The following CLCN5 variants were observed in gnomAD, a reference collection of about 807,000 sequenced individuals.
CLCN5 encodes Cl-/H+ antiporter 5.
CLCN5 carries 17 observed loss-of-function variants against 54.0 expected under a neutral mutation model. The ratio of observed to expected loss-of-function variants is 0.31; its 90% CI spans 0.22 to 0.47. CLCN5 has a LOEUF of 0.47. CLCN5 is among the 20% of genes least tolerant of loss of function. CLCN5 has a pLI of 1.00. For synonymous variants in CLCN5, 222 were observed against 233.0 expected (o/e 0.95, Z 0.43); for missense variants, 448 against 646.7 (o/e 0.69, Z 3.33).
At chrX:50,058,294 C>G (rs1311772518) in intron 4 of CLCN5, among the ~76,000 whole-genome samples, 2 of 111,418 alleles carry the variant, frequency 1.8e-5, no homozygotes, top group Non-Finnish European at 3.8e-5. Context: ...CATGAGATTT[C>G]TTCCTATTCT....
chrX:50,002,602 C>T (rs1325213050), intron 3 of CLCN5, among the ~76,000 whole-genome samples: 2 of 110,735 alleles, frequency 1.8e-5, no homozygotes, highest in Non-Finnish European at 3.8e-5. Flanking sequence ...CCTGGGCTGA[C>T]AAGTGCAAGT....
At chrX:49,987,006 A>G (rs1261320497) in intron 3 of CLCN5, among the ~76,000 whole-genome samples, 2 of 112,383 alleles carry the variant, frequency 1.8e-5, no homozygotes, top group Non-Finnish European at 3.8e-5. Context: ...ATCTTCAAAA[A>G]CAGAAGATTA....
chrX:50,094,347 T>C lies in CLCN5; in HGVS notation c.*2128T>C, dbSNP rs1341813110. ...TCACTGATTCCTTCATATGAGACTA[T>C]TTGGCTTGACTACCCTGTATATTGT... On this transcript the variant is annotated 3_prime_UTR_variant, in exon 15 of 15. Transcript: ENST00000376091. 1 of 111,750 alleles carries C rather than the reference T, an allele frequency of 8.9e-6. No homozygotes were observed. The highest frequency in any genetic ancestry group is 9.5e-5 in the Admixed American group (1 of 10,511). The allele number at this position is 111,750 out of a possible 1,213,427, so 9.2% of individuals were successfully genotyped here.
At chrX:49,952,368 C>CA (rs368547198) in intron 3 of CLCN5, among the ~76,000 whole-genome samples, 1,813 of 83,450 alleles carry the variant, frequency 0.022, 17 homozygotes, top group Middle Eastern at 0.031. Flanking sequence ...TTTGGCTTTA[C>CA]AAAAAAAAAA....
intron 13 of CLCN5, 36 bp from the exon 14 acceptor site, chrX:50,090,634 C>A (rs963605096): frequency 8.5e-7 from 1 of 1,174,797 alleles, no homozygotes; most frequent in Non-Finnish European, 1.2e-6. Context: ...GCTAGCACGT[C>A]CATCTTCAAT....
chrX:49,959,301 T>C (rs1365466040), intron 3 of CLCN5, among the ~76,000 whole-genome samples: 1 of 112,349 alleles, frequency 8.9e-6, no homozygotes, highest in African/African-American at 3.2e-5. Context: ...CAGTTCTTCT[T>C]TCTTGGTCAA....
At chrX:50,031,205 T>C (rs1296259228) in intron 3 of CLCN5, among the ~76,000 whole-genome samples, 1 of 112,510 alleles carries the variant, frequency 8.9e-6, no homozygotes, top group Non-Finnish European at 1.9e-5. Context: ...TCTACCAATG[T>C]ATTTTGCCTA....
intron 4 of CLCN5, among the ~76,000 whole-genome samples, chrX:50,057,668 A>T (rs1932782745): frequency 1.1e-5 from 1 of 92,434 alleles, no homozygotes; most frequent in Admixed American, 1.1e-4. Context: ...ACTCTCCTGG[A>T]TAGATACTAT....
intron 10 of CLCN5, 86 bp downstream of exon 10, chrX:50,086,146 A>G: frequency 7.8e-6 from 7 of 900,987 alleles, no homozygotes; most frequent in Non-Finnish European, 1.1e-5. Flanking sequence ...TACATAATGT[A>G]CAATATCTGT....
In CLCN5 at chrX:50,093,373, G is replaced by A. The variant is rs1428770611; in HGVS notation, c.*1154G>A. 1.8e-5 allele frequency: 2 copies of A among 112,027 alleles called. No homozygotes were observed. Among genetic ancestry groups the A allele is most frequent in the Admixed American group, 1.9e-4 (2 of 10,534 alleles). 9.2% of individuals were successfully genotyped at this position (112,027 alleles called of 1,213,427 possible). ...CCCCATGATCATGAATTAGGCTTGG[G>A]ATGCTTCCAAATATATTCAAGGTGT... On this transcript the variant is annotated 3_prime_UTR_variant, in exon 15 of 15. Coordinates refer to ENST00000376091, the MANE Select transcript of CLCN5 (RefSeq NM_001127898.4).
intron 3 of CLCN5, chrX:50,008,922 A>C (rs782167423): frequency 2.6e-6 from 1 of 381,017 alleles, no homozygotes; most frequent in African/African-American, 2.6e-5. Context: ...ATACAAACAC[A>C]CAAAAAGGGC....
At chrX:50,080,001 A>G (rs1346776224) in intron 7 of CLCN5, among the ~76,000 whole-genome samples, 1 of 111,750 alleles carries the variant, frequency 8.9e-6, no homozygotes, top group Non-Finnish European at 1.9e-5. Flanking sequence ...TGTAGTAACA[A>G]TTTCGCTATA....
At chrX:49,938,022 A>G (rs1398811122) in intron 3 of CLCN5, among the ~76,000 whole-genome samples, 1 of 111,683 alleles carries the variant, frequency 9.0e-6, no homozygotes, top group African/African-American at 3.3e-5. Flanking sequence ...GTCTGTCAGA[A>G]TGTCCTCTTG....
At chrX:49,963,552 T>C (rs1269632816) in intron 3 of CLCN5, among the ~76,000 whole-genome samples, 4 of 112,080 alleles carry the variant, frequency 3.6e-5, no homozygotes, top group Non-Finnish European at 7.5e-5. Flanking sequence ...CAAGAAGATA[T>C]TTCCTCCTTC....
intron 3 of CLCN5, among the ~76,000 whole-genome samples, chrX:49,978,960 A>T (rs1557177320): frequency 9.0e-6 from 1 of 111,241 alleles, no homozygotes; most frequent in African/African-American, 3.3e-5. Flanking sequence ...ATCACTGGAG[A>T]TGTAGAGGTC....
chrX:49,980,651 TG>T (rs1242789919), intron 3 of CLCN5, among the ~76,000 whole-genome samples: 1 of 111,951 alleles, frequency 8.9e-6, no homozygotes, highest in African/African-American at 3.2e-5. Context: ...CTCCAGTATT[TG>T]TTTCTTTGAC....
At chrX:50,063,399 G>C (rs1435769889) in intron 4 of CLCN5, among the ~76,000 whole-genome samples, 57 of 107,650 alleles carry the variant, frequency 5.3e-4, no homozygotes, top group Admixed American at 1.6e-3. Flanking sequence ...AAATAAACTA[G>C]AAAATCTAGA....
chrX:49,985,902 A>G lies in CLCN5; in HGVS notation c.17-56414A>G, dbSNP rs781910115. Among the ~76,000 whole-genome samples the G allele has an allele frequency of 8.9e-5, 10 of 111,947 alleles. No individual in the cohort carries two copies. The East Asian group carries it at 2.8e-3, about 31-fold the overall frequency. On this transcript the variant is annotated intron_variant, in intron 3 of 14. Transcript: ENST00000376091. ...ATTTCTAATTAATATTTAATACATA[A>G]AATTTAGCATTATAATTATCTTACA...
chrX:50,013,191 C>T (rs372480420), intron 3 of CLCN5: 2 of 261,158 alleles, frequency 7.7e-6, no homozygotes, highest in Non-Finnish European at 1.5e-5. Flanking sequence ...CTCTTTCTGT[C>T]TTTCTTTCTC....
Sources: allele counts gnomAD v4.1 joint callset (sites outside exome capture counted in the v4.1 genomes callset), GRCh38; gene constraint gnomAD v4.1.1; transcripts MANE v1.5; gene names NCBI Gene and HGNC (gene_info 2026-07-23, HGNC 2026-07-21).